Variants in NEGR1 observed in about 807,000 individuals in gnomAD.
NEGR1 encodes IgLON family member 4.
A neutral mutation model predicts 40.9 loss-of-function variants in NEGR1; 10 were observed. That is an observed-to-expected ratio of 0.24 (90% confidence interval 0.15 to 0.42). NEGR1 has a LOEUF of 0.42. Ranked by LOEUF, NEGR1 falls within the 10% of genes least tolerant of loss-of-function variation. The probability of loss-of-function intolerance (pLI) is 1.00; values close to 1 mark genes in which losing one functional copy is unlikely to be tolerated. For missense variants in NEGR1, 352 were observed against 438.9 expected (o/e 0.80, Z 1.77); for synonymous variants, 185 against 166.8 (o/e 1.11, Z -0.84).
intron 6 of NEGR1, among the ~76,000 whole-genome samples, chr1:71,455,656 C>T (rs549394678): frequency 7.9e-5 from 12 of 152,106 alleles, no homozygotes; most frequent in African/African-American, 2.7e-4. Flanking sequence ...ACCCAGGAGG[C>T]GGAGGTTGCA....
intron 2 of NEGR1, among the ~76,000 whole-genome samples, chr1:71,831,040 T>TA (rs1333254937): frequency 2.0e-5 from 3 of 151,966 alleles, no homozygotes. Context: ...CCACATTTCT[T>TA]AATGTAGCCT....
intron 1 of NEGR1, among the ~76,000 whole-genome samples, chr1:72,107,615 G>A (rs748028570): frequency 5.3e-5 from 8 of 151,224 alleles, no homozygotes; most frequent in Admixed American, 6.6e-5. Flanking sequence ...ACTCTAAAAC[G>A]AATCTTTCTT....
intron 1 of NEGR1, among the ~76,000 whole-genome samples, chr1:72,167,958 T>C (rs1294318845): frequency 6.6e-6 from 1 of 151,614 alleles, no homozygotes; most frequent in Non-Finnish European, 1.5e-5. Context: ...GTACCAGAAA[T>C]AGACAAATAA....
At chr1:71,744,408 G>A (rs1049671215) in intron 3 of NEGR1, among the ~76,000 whole-genome samples, 1 of 150,066 alleles carries the variant, frequency 6.7e-6, no homozygotes, top group East Asian at 2.0e-4. Flanking sequence ...ACATATCCAT[G>A]TCATAATATA....
chr1:71,567,443 T>G (rs930284730), intron 6 of NEGR1, among the ~76,000 whole-genome samples: 3 of 152,118 alleles, frequency 2.0e-5, no homozygotes, highest in Non-Finnish European at 4.4e-5. Flanking sequence ...TTACCTATAC[T>G]TTAATTTAAT....
intron 2 of NEGR1, among the ~76,000 whole-genome samples, chr1:71,877,958 A>T (rs1000729331): frequency 3.3e-5 from 5 of 152,100 alleles, no homozygotes; most frequent in Non-Finnish European, 5.9e-5. Context: ...CCTGAACTTC[A>T]TTTAGACTTC....
At chr1:71,464,161 A>G (rs1395802335) in intron 6 of NEGR1, among the ~76,000 whole-genome samples, 1 of 152,094 alleles carries the variant, frequency 6.6e-6, no homozygotes, top group East Asian at 1.9e-4. Flanking sequence ...TCATTAAGGA[A>G]AGGGGGAAAA....
At chr1:71,900,351 T>C (rs2101862508) in intron 2 of NEGR1, among the ~76,000 whole-genome samples, 1 of 152,324 alleles carries the variant, frequency 6.6e-6, no homozygotes, top group Non-Finnish European at 1.5e-5. Flanking sequence ...GTCATGCAAA[T>C]AAGCATATTA....
intron 1 of NEGR1, among the ~76,000 whole-genome samples, chr1:72,030,357 C>T (rs1162032836): frequency 1.3e-5 from 2 of 152,010 alleles, no homozygotes; most frequent in African/African-American, 4.8e-5. Context: ...CAGGTGCCCA[C>T]CACCATGCCC....
rs759687500 is a variant in NEGR1 at position 71,759,287 on chromosome 1, C to CTTT, written c.535+16882_535+16884dup. Reference sequence around the variant, plus strand: ...AAGGTTGCATTTTCCAAGATTATAACTTTTTTTTTTTTTTTTTTTTTTTTT... The same window carrying CTTT: ...AAGGTTGCATTTTCCAAGATTATAACTTTTTTTTTTTTTTTTTTTTTTTTTTTT... On this transcript the variant is annotated intron_variant, in intron 3 of 6. Transcript: ENST00000357731. 5.7e-3 allele frequency among the ~76,000 whole-genome samples: 487 copies of CTTT among 85,216 alleles called. 75 individuals carry two copies. The highest frequency in any genetic ancestry group is 0.012 in the African/African-American group (254 of 20,756). The allele number at this position is 85,216 out of a possible 152,430, so 55.9% of individuals were successfully genotyped here. A position where few individuals can be genotyped will look rare whatever the true frequency, so the allele number is the denominator to read the frequency against.
At chr1:72,062,303 A>G (rs1430511977) in intron 1 of NEGR1, among the ~76,000 whole-genome samples, 1 of 151,886 alleles carries the variant, frequency 6.6e-6, no homozygotes, top group Non-Finnish European at 1.5e-5. Context: ...GAAGCCTTCC[A>G]GAATCCTCCA....
chr1:71,696,322 A>G (rs1057078029), intron 4 of NEGR1, among the ~76,000 whole-genome samples: 1 of 151,746 alleles, frequency 6.6e-6, no homozygotes, highest in Non-Finnish European at 1.5e-5. Flanking sequence ...TCCAAAAACA[A>G]TTGTGGCTTG....
At chr1:71,771,333 G>A (rs1050991813) in intron 3 of NEGR1, among the ~76,000 whole-genome samples, 8 of 152,036 alleles carry the variant, frequency 5.3e-5, no homozygotes, top group Admixed American at 3.9e-4. Context: ...AGCATTAGGA[G>A]AAATACTTAA....
intron 2 of NEGR1, among the ~76,000 whole-genome samples, chr1:71,934,186 C>T (rs1006652424): frequency 2.0e-5 from 3 of 151,970 alleles, no homozygotes; most frequent in Admixed American, 6.6e-5. Flanking sequence ...AACCAACACA[C>T]GATTAATTTA....
intron 6 of NEGR1, among the ~76,000 whole-genome samples, chr1:71,424,323 C>T (rs1646415918): frequency 6.6e-6 from 1 of 152,044 alleles, no homozygotes; most frequent in Admixed American, 6.6e-5. Flanking sequence ...CTTTATTATT[C>T]ATTTGTTCAT....
At chr1:71,640,732 G>A (rs1464730666) in intron 4 of NEGR1, among the ~76,000 whole-genome samples, 4 of 151,910 alleles carry the variant, frequency 2.6e-5, no homozygotes, top group African/African-American at 7.2e-5. Context: ...ATTAAAAATC[G>A]AGAGCTTCTG....
intron 6 of NEGR1, among the ~76,000 whole-genome samples, chr1:71,568,095 G>A (rs1648680444): frequency 6.6e-6 from 1 of 152,122 alleles, no homozygotes; most frequent in Non-Finnish European, 1.5e-5. Flanking sequence ...CAAAATGATA[G>A]CATTACTCCC....
intron 1 of NEGR1, among the ~76,000 whole-genome samples, chr1:71,938,773 C>A (rs76169463): frequency 6.6e-6 from 1 of 151,984 alleles, no homozygotes; most frequent in Non-Finnish European, 1.5e-5. Flanking sequence ...ATAAAGCATG[C>A]GCATGAACAG....
intron 6 of NEGR1, among the ~76,000 whole-genome samples, chr1:71,560,036 A>C (rs1046600064): frequency 6.6e-6 from 1 of 151,278 alleles, no homozygotes; most frequent in African/African-American, 2.4e-5. Flanking sequence ...TCTAGTGCAC[A>C]TGATTGTCAA....
Sources: allele counts gnomAD v4.1 joint callset (sites outside exome capture counted in the v4.1 genomes callset), GRCh38; gene constraint gnomAD v4.1.1; transcripts MANE v1.5; gene names NCBI Gene and HGNC (gene_info 2026-07-23, HGNC 2026-07-21).